CDC37L1: variants seen among roughly 807,000 people sequenced by gnomAD.
The protein encoded by CDC37L1 is hsp90 co-chaperone Cdc37-like 1.
CDC37L1 carries 32 observed loss-of-function variants against 45.9 expected under a neutral mutation model. The observed-to-expected ratio is 0.70, with a 90% CI of 0.53 to 0.94. CDC37L1 has a LOEUF of 0.94. CDC37L1 is among the 40% of genes least tolerant of loss of function. CDC37L1 has a pLI of 0.00. For missense variants in CDC37L1, 434 were observed against 405.7 expected (o/e 1.07, Z -0.60); for synonymous variants, 150 against 133.0 (o/e 1.13, Z -0.88).
chr9:4,707,020 C>G lies in CDC37L1; in HGVS notation c.*908C>G, dbSNP rs1056319080. The G allele has an allele frequency of 2.0e-5, 3 of 147,742 alleles. No individual in the cohort carries two copies. Among genetic ancestry groups the G allele is most frequent in the African/African-American group, 7.7e-5 (3 of 38,946 alleles). The allele number at this position is 147,742 out of a possible 1,614,324, so 9.2% of individuals were successfully genotyped here. A position where few individuals can be genotyped will look rare whatever the true frequency, so the allele number is the denominator to read the frequency against. ...TATTTTGGTTTATTTTTTGATGTAG[C>G]CTTTTAAAAAAGGAGTCTTAAAAAT... On this transcript the variant is annotated 3_prime_UTR_variant, in exon 7 of 7. Coordinates refer to ENST00000381854, the MANE Select transcript of CDC37L1 (RefSeq NM_017913.4).
chr9:4,683,373 C>T (rs1014663903), intron 1 of CDC37L1, among the ~76,000 whole-genome samples: 16 of 151,860 alleles, frequency 1.1e-4, no homozygotes, highest in African/African-American at 3.4e-4. Flanking sequence ...ATGACAAACA[C>T]CACAACAGAA....
In CDC37L1 at chr9:4,701,872, A is replaced by C; in HGVS notation, c.756A>C (p.Glu252Asp). 6.3e-7 allele frequency: 1 copy of C among 1,599,320 alleles called. No individual in the cohort carries two copies. Residue 252 changes from glutamate to aspartate, a missense_variant, in exon 6 of 7, where the codon GAA (glutamate) becomes GAC (aspartate). Physicochemically the swap from Glu to Asp is conservative, Grantham distance 45. Coordinates refer to ENST00000381854, the MANE Select transcript of CDC37L1 (RefSeq NM_017913.4). ...TTTTTTGTTTTTTCTAGGCAGAGGA[A>C]GAAGGTTATTTTGAAGCATTCAAAA... ...RLFFQKAKAE[E>D]EGYFEAFKNE...
At chr9:4,692,227 C>G (rs1408084789) in intron 3 of CDC37L1, among the ~76,000 whole-genome samples, 1 of 151,356 alleles carries the variant, frequency 6.6e-6, no homozygotes. Flanking sequence ...ATAAAGCACT[C>G]TTACATATGA....
chr9:4,699,709 G>C (rs567508574), intron 5 of CDC37L1, among the ~76,000 whole-genome samples: 1 of 152,254 alleles, frequency 6.6e-6, no homozygotes, highest in African/African-American at 2.4e-5. Context: ...CTCAGGGAGG[G>C]AGGGGGAATG....
intron 3 of CDC37L1, among the ~76,000 whole-genome samples, chr9:4,696,017 C>A (rs1191445549): frequency 6.6e-6 from 1 of 152,216 alleles, no homozygotes; most frequent in Non-Finnish European, 1.5e-5. Flanking sequence ...AACTCCTGAC[C>A]TCAGGTGATC....
intron 3 of CDC37L1, among the ~76,000 whole-genome samples, chr9:4,689,467 A>T (rs929352011): frequency 5.3e-5 from 8 of 151,608 alleles, no homozygotes; most frequent in Non-Finnish European, 8.8e-5. Context: ...AATTTCGTTT[A>T]TGCTTCAGTT....
At chr9:4,691,565 T>A (rs1415246903) in intron 3 of CDC37L1, among the ~76,000 whole-genome samples, 1 of 152,120 alleles carries the variant, frequency 6.6e-6, no homozygotes, top group African/African-American at 2.4e-5. Flanking sequence ...GACTCTTGGT[T>A]GACACGGGCC....
chr9:4,694,833 G>A (rs749891675), intron 3 of CDC37L1, among the ~76,000 whole-genome samples: 4 of 151,948 alleles, frequency 2.6e-5, no homozygotes, highest in Non-Finnish European at 4.4e-5. Flanking sequence ...TCGTGTTGCT[G>A]TACTCCAGCC....
chr9:4,696,031 C>G (rs1841344654), intron 3 of CDC37L1, among the ~76,000 whole-genome samples: 1 of 152,200 alleles, frequency 6.6e-6, no homozygotes, highest in African/African-American at 2.4e-5. Flanking sequence ...GGTGATCCGC[C>G]TGCCTTGGCC....
chr9:4,680,367 C>T (rs1841179273), intron 1 of CDC37L1, among the ~76,000 whole-genome samples: 1 of 152,196 alleles, frequency 6.6e-6, no homozygotes, highest in South Asian at 2.1e-4. Context: ...ATTTCACATG[C>T]GATTTTCACC....
At chr9:4,689,434 GTTTA>G (rs1040653671) in intron 3 of CDC37L1, among the ~76,000 whole-genome samples, 2 of 151,468 alleles carry the variant, frequency 1.3e-5, no homozygotes, top group African/African-American at 4.9e-5. Flanking sequence ...TCCTGTTGGT[GTTTA>G]TTTACCCAAC....
chr9:4,697,606 C>T, intron 4 of CDC37L1, 151 bp from the exon 5 acceptor site: 1 of 487,334 alleles, frequency 2.1e-6, no homozygotes, highest in Non-Finnish European at 3.5e-6. Flanking sequence ...AAAAAAAAAA[C>T]TAAGATATAC....
At chr9:4,685,661 G>C (rs1025280127) in intron 2 of CDC37L1, among the ~76,000 whole-genome samples, 1 of 152,180 alleles carries the variant, frequency 6.6e-6, no homozygotes, top group African/African-American at 2.4e-5. Context: ...ATAAGATAAA[G>C]AGAAGTGTTG....
intron 3 of CDC37L1, among the ~76,000 whole-genome samples, chr9:4,690,689 A>G (rs760185343): frequency 2.0e-5 from 3 of 152,248 alleles, no homozygotes; most frequent in Non-Finnish European, 4.4e-5. Context: ...AATAAATATC[A>G]GAGCCTTGCT....
intron 5 of CDC37L1, among the ~76,000 whole-genome samples, chr9:4,701,643 A>G (rs570328072): frequency 1.3e-5 from 2 of 152,242 alleles, no homozygotes; most frequent in African/African-American, 4.8e-5. Flanking sequence ...TTATTAGCTT[A>G]TTTTGCTGAA....
At chr9:4,697,343 C>G (rs1841357349) in intron 4 of CDC37L1, 132 bp downstream of exon 4, 2 of 615,862 alleles carry the variant, frequency 3.2e-6, no homozygotes, top group Non-Finnish European at 5.7e-6. Context: ...ATGGAATTAC[C>G]ATTTTTTGCT....
intron 5 of CDC37L1, among the ~76,000 whole-genome samples, chr9:4,700,324 T>A (rs972338220): frequency 1.3e-5 from 2 of 152,162 alleles, no homozygotes; most frequent in Non-Finnish European, 2.9e-5. Context: ...CCCAGCTAAT[T>A]TTTTGTAGAG....
rs190553314 is a variant in CDC37L1 at position 4,699,991 on chromosome 9, T to C, written c.748-1873T>C. Reference sequence around the variant, plus strand: ...TTCCTATTATAAACATAAAATTATATTTTTATATTAAAAAAAAACTCTCAA... The same window carrying C: ...TTCCTATTATAAACATAAAATTATACTTTTATATTAAAAAAAAACTCTCAA... On this transcript the variant is annotated intron_variant, in intron 5 of 6. Coordinates refer to ENST00000381854, the MANE Select transcript of CDC37L1 (RefSeq NM_017913.4). Among the ~76,000 whole-genome samples the C allele has an allele frequency of 7.9e-5, 12 of 152,210 alleles. No individual in the cohort carries two copies. In the East Asian group the frequency reaches 2.3e-3, roughly 29 times the overall value.
rs141314612 is a variant in CDC37L1, at chr9:4,703,868, G to C, written c.912+1840G>C. Among the ~76,000 whole-genome samples, 715 of 152,282 alleles carry C rather than the reference G, an allele frequency of 4.7e-3. 3 individuals carry two copies. Among genetic ancestry groups the C allele is most frequent in the Non-Finnish European group, 7.0e-3 (479 of 68,016 alleles). On this transcript the variant is annotated intron_variant, in intron 6 of 6. Coordinates refer to ENST00000381854, the MANE Select transcript of CDC37L1 (RefSeq NM_017913.4). Reference sequence around the variant, plus strand: ...TATACAATTCTGACACTTCTGTATTGCTGATATTATCAGGGTTATTCAGAT... The same window carrying C: ...TATACAATTCTGACACTTCTGTATTCCTGATATTATCAGGGTTATTCAGAT...
Sources: gnomAD v4.1 joint callset for allele counts (sites outside exome capture counted in the v4.1 genomes callset) on GRCh38, gnomAD v4.1.1 for gene constraint, MANE v1.5 for transcripts, NCBI Gene and HGNC (gene_info 2026-07-23, HGNC 2026-07-21) for gene names.